Variants in SHISA6 observed in about 807,000 individuals in gnomAD.
SHISA6 encodes protein shisa-6.
Under a neutral mutation model 47.9 loss-of-function variants are expected in SHISA6, and 22 were observed. The ratio of observed to expected loss-of-function variants is 0.46; its 90% CI spans 0.33 to 0.66. The LOEUF is 0.66. Ranked by LOEUF, SHISA6 falls within the 30% of genes least tolerant of loss-of-function variation. The pLI, the probability that SHISA6 is intolerant of heterozygous loss-of-function variation, is 0.02. For synonymous variants in SHISA6, 388 were observed against 337.8 expected (o/e 1.15, Z -1.63); for missense variants, 680 against 764.6 (o/e 0.89, Z 1.30).
rs1422174780 is a variant in SHISA6, at chr17:11,555,803, G to A, written c.1016G>A (p.Arg339His). 1.9e-6 allele frequency: 3 copies of A among 1,549,950 alleles called. No individual in the cohort carries two copies. The highest frequency in any genetic ancestry group is 2.5e-5 in the East Asian group (1 of 40,668). Residue 339 changes from arginine to histidine, a missense_variant, in exon 5 of 6, where the codon CGC becomes CAC. By Grantham distance (29) the Arg-to-His change is conservative (BLOSUM62 0). Transcript: ENST00000441885. ...GAGCCCTATGACCTCTCCTTCTCCCGCTCGTTCCAGAACTTGGCCCACCTG... is the reference window on the plus strand; with the variant it reads ...GAGCCCTATGACCTCTCCTTCTCCCACTCGTTCCAGAACTTGGCCCACCTG... ...ATEPYDLSFS[R>H]SFQNLAHLPP... is the part of the protein sequence containing the mutation.
In SHISA6 at chr17:11,558,256, G is replaced by C; in HGVS notation, c.1608G>C (p.Pro536=). The change falls in exon 6 of 6, where the codon CCG becomes CCC. Residue 536 remains proline, a synonymous_variant. Transcript: ENST00000441885. ...HNTVEQLHYI[P]GHHTCYTASK... ...CGGTGGAGCAGCTGCACTACATCCC[G>C]GGCCACCACACCTGCTACACAGCCA... 3.2e-6 allele frequency: 5 copies of C among 1,539,814 alleles called. No homozygotes were observed. Among genetic ancestry groups the C allele is most frequent in the Non-Finnish European group, 3.5e-6 (4 of 1,146,940 alleles).
chr17:11,383,257 G>C (rs1406279529), intron 3 of SHISA6, among the ~76,000 whole-genome samples: 1 of 152,016 alleles, frequency 6.6e-6, no homozygotes, highest in African/African-American at 2.4e-5. Flanking sequence ...CTTTTTTATA[G>C]GCTCTAGAGG....
chr17:11,429,300 C>T (rs754533392), intron 3 of SHISA6, among the ~76,000 whole-genome samples: 7 of 152,124 alleles, frequency 4.6e-5, no homozygotes, highest in South Asian at 2.1e-4. Flanking sequence ...ATGGAAGTCA[C>T]GGTCTTTTAT....
chr17:11,525,557 C>T (rs1015991848), intron 3 of SHISA6, among the ~76,000 whole-genome samples: 4 of 142,914 alleles, frequency 2.8e-5, no homozygotes, highest in Admixed American at 7.4e-5. Context: ...CGCTTGAACC[C>T]GGGAGGTGGA....
intron 1 of SHISA6, among the ~76,000 whole-genome samples, chr17:11,249,187 C>G (rs1382001906): frequency 6.6e-6 from 1 of 151,782 alleles, no homozygotes; most frequent in Non-Finnish European, 1.5e-5. Flanking sequence ...TTCTCTCTCT[C>G]TCCCAGAGAT....
chr17:11,298,911 A>T (rs1242601427), intron 2 of SHISA6, among the ~76,000 whole-genome samples: 2 of 152,210 alleles, frequency 1.3e-5, no homozygotes, highest in African/African-American at 4.8e-5. Context: ...GACTGATGTT[A>T]GAGGTAGATT....
At chr17:11,458,453 G>A (rs1316896943) in intron 3 of SHISA6, among the ~76,000 whole-genome samples, 1 of 152,142 alleles carries the variant, frequency 6.6e-6, no homozygotes, top group African/African-American at 2.4e-5. Context: ...AGAAGCAGAC[G>A]CCGAAGAAGG....
chr17:11,521,341 T>A (rs1041883557), intron 3 of SHISA6, among the ~76,000 whole-genome samples: 1 of 152,236 alleles, frequency 6.6e-6, no homozygotes, highest in Non-Finnish European at 1.5e-5. Flanking sequence ...TATCAATTCA[T>A]CCTTATTCTA....
chr17:11,556,586 A>G (rs2071982409), intron 5 of SHISA6, among the ~76,000 whole-genome samples: 1 of 152,098 alleles, frequency 6.6e-6, no homozygotes, highest in East Asian at 1.9e-4. Flanking sequence ...TTGGAGCCTC[A>G]AGGGCTGAGC....
At chr17:11,517,573 G>T (rs2071596072) in intron 3 of SHISA6, among the ~76,000 whole-genome samples, 1 of 152,166 alleles carries the variant, frequency 6.6e-6, no homozygotes, top group African/African-American at 2.4e-5. Flanking sequence ...TACAGTCACA[G>T]CTCAGTGCAG....
chr17:11,528,066 C>A (rs2071701081), intron 3 of SHISA6, among the ~76,000 whole-genome samples: 1 of 152,062 alleles, frequency 6.6e-6, no homozygotes, highest in Non-Finnish European at 1.5e-5. Flanking sequence ...GTTATAAAAT[C>A]CTAGAGAGTT....
intron 4 of SHISA6, 24 bp from the exon 5 acceptor site, chr17:11,555,716 A>C: frequency 6.6e-7 from 1 of 1,512,518 alleles, no homozygotes; most frequent in South Asian, 1.3e-5. Flanking sequence ...CATTAATACA[A>C]AACACCCCTC....
At chr17:11,350,182 A>ATTTATTT (rs964679787) in intron 2 of SHISA6, among the ~76,000 whole-genome samples, 1 of 116,240 alleles carries the variant, frequency 8.6e-6, no homozygotes, top group Non-Finnish European at 1.7e-5. Context: ...TTATTTATTT[A>ATTTATTT]TTTTTTTTTT....
intron 2 of SHISA6, among the ~76,000 whole-genome samples, chr17:11,317,518 A>G (rs1008709295): frequency 4.0e-5 from 6 of 151,870 alleles, no homozygotes; most frequent in African/African-American, 1.4e-4. Flanking sequence ...ACACATATGT[A>G]TATTTGGTGG....
intron 3 of SHISA6, among the ~76,000 whole-genome samples, chr17:11,398,717 C>G (rs1287083696): frequency 6.6e-6 from 1 of 152,028 alleles, no homozygotes; most frequent in Admixed American, 6.6e-5. Flanking sequence ...CTCAGCCTCC[C>G]AAGTAGCTGG....
At chr17:11,314,720 A>C (rs1280562593) in intron 2 of SHISA6, among the ~76,000 whole-genome samples, 1 of 151,860 alleles carries the variant, frequency 6.6e-6, no homozygotes, top group African/African-American at 2.4e-5. Flanking sequence ...TTTTATTTTT[A>C]GTAGAGACGG....
At chr17:11,299,535 T>C (rs963284990) in intron 2 of SHISA6, among the ~76,000 whole-genome samples, 1 of 152,206 alleles carries the variant, frequency 6.6e-6, no homozygotes, top group African/African-American at 2.4e-5. Context: ...AAGTCCAAAA[T>C]AGCTTTCACT....
chr17:11,248,471 T>C (rs1462210348), intron 1 of SHISA6, among the ~76,000 whole-genome samples: 1 of 152,142 alleles, frequency 6.6e-6, no homozygotes, highest in Non-Finnish European at 1.5e-5. Context: ...CTCAGACTCA[T>C]CTCATTCAAT....
At chr17:11,370,609 AC>A (rs1912604180) in intron 2 of SHISA6, among the ~76,000 whole-genome samples, 1 of 152,086 alleles carries the variant, frequency 6.6e-6, no homozygotes, top group Admixed American at 6.6e-5. Flanking sequence ...CTTAGTCCCC[AC>A]CCCATCTTGC....
Sources: allele counts gnomAD v4.1 joint callset (sites outside exome capture counted in the v4.1 genomes callset), GRCh38; gene constraint gnomAD v4.1.1; transcripts MANE v1.5; gene names NCBI Gene and HGNC (gene_info 2026-07-23, HGNC 2026-07-21).